Variants in MIA2 observed in about 807,000 individuals in gnomAD.
MIA2 encodes melanoma inhibitory activity protein 2.
A neutral mutation model predicts 167.8 loss-of-function variants in MIA2; 127 were observed. That is an observed-to-expected ratio of 0.76 (90% CI 0.66 to 0.88). The LOEUF is 0.88. Ranked by LOEUF, MIA2 falls within the 40% of genes least tolerant of loss-of-function variation. The pLI is 0.00. For missense variants in MIA2, 1,690 were observed against 1,624.7 expected, an observed-to-expected ratio of 1.04 and a Z score of -0.69; for synonymous variants, 552 against 541.9, an observed-to-expected ratio of 1.02 and a Z score of -0.26.
intron 3 of MIA2, among the ~76,000 whole-genome samples, chr14:39,246,047 T>G (rs549575197): frequency 8.6e-5 from 13 of 151,672 alleles, no homozygotes; most frequent in African/African-American, 2.9e-4. Context: ...ATTGATTGCC[T>G]CTGCTTCTCA....
chr14:39,355,955 G>C (rs1183168733), downstream of MIA2, among the ~76,000 whole-genome samples: 3 of 152,172 alleles, frequency 2.0e-5, no homozygotes, highest in African/African-American at 4.8e-5. Context: ...CGGTTTGCCA[G>C]TATTTTTTAT....
chr14:39,271,166 C>A (rs1246509920), intron 6 of MIA2, among the ~76,000 whole-genome samples: 2 of 152,112 alleles, frequency 1.3e-5, no homozygotes, highest in African/African-American at 2.4e-5. Flanking sequence ...TAGATTCATT[C>A]CTTGGCATGT....
chr14:39,288,466 TATA>T (rs1261239609), intron 9 of MIA2, among the ~76,000 whole-genome samples: 7 of 37,750 alleles, frequency 1.9e-4, no homozygotes, highest in South Asian at 9.7e-4. Flanking sequence ...TATATATATA[TATA>T]TATATATTTT....
intron 17 of MIA2, among the ~76,000 whole-genome samples, chr14:39,307,689 C>T (rs1001673673): frequency 2.0e-5 from 3 of 152,058 alleles, no homozygotes; most frequent in African/African-American, 7.2e-5. Flanking sequence ...GCGTGAGCCA[C>T]CGTGCCCGGC....
intron 6 of MIA2, among the ~76,000 whole-genome samples, chr14:39,256,735 C>G (rs1205096955): frequency 6.6e-6 from 1 of 151,284 alleles, no homozygotes; most frequent in African/African-American, 2.4e-5. Flanking sequence ...TAGAAACTAT[C>G]TAAAAAAGAA....
At chr14:39,267,409 G>GC in intron 6 of MIA2, 1 of 1,608,618 alleles carries the variant, frequency 6.2e-7, no homozygotes, top group Non-Finnish European at 8.5e-7. Flanking sequence ...GTTTATTGTG[G>GC]CCCCGACAGG....
intron 28 of MIA2, among the ~76,000 whole-genome samples, chr14:39,349,337 A>G (rs1368476714): frequency 6.6e-6 from 1 of 152,234 alleles, no homozygotes; most frequent in Non-Finnish European, 1.5e-5. Flanking sequence ...TAGCATTAAA[A>G]TTACTGGCTA....
At chr14:39,234,485 T>C (rs575374945) in intron 1 of MIA2, among the ~76,000 whole-genome samples, 33 of 152,278 alleles carry the variant, frequency 2.2e-4, no homozygotes, top group Admixed American at 8.5e-4. Context: ...TCAGTCCTTT[T>C]ACTATTTTTA....
At chr14:39,332,790 C>A (rs1387363640) in intron 25 of MIA2, among the ~76,000 whole-genome samples, 3 of 152,046 alleles carry the variant, frequency 2.0e-5, no homozygotes, top group African/African-American at 7.3e-5. Context: ...CCAGGTACCT[C>A]AGTTGGAAAT....
intron 6 of MIA2, chr14:39,265,261 G>T (rs771290406): frequency 1.4e-6 from 1 of 739,808 alleles, no homozygotes; most frequent in Non-Finnish European, 2.2e-6. Context: ...CCACACAAAT[G>T]TCAAAACGGG....
At chr14:39,344,578 C>T (rs890745449) in intron 25 of MIA2, among the ~76,000 whole-genome samples, 4 of 152,120 alleles carry the variant, frequency 2.6e-5, no homozygotes, top group African/African-American at 7.2e-5. Flanking sequence ...CAGGTGGTCT[C>T]TCTGGTTTTG....
chr14:39,360,866 C>T (rs898297360), intron 23 of MIA2, among the ~76,000 whole-genome samples: 14 of 152,048 alleles, frequency 9.2e-5, no homozygotes, highest in African/African-American at 1.7e-4. Flanking sequence ...TTCATTCTTC[C>T]GCATATGGAT....
At chr14:39,387,074 C>G in exon 24 of MIA2, 3 of 650,572 alleles carry the variant, frequency 4.6e-6, no homozygotes, top group South Asian at 4.3e-5. Context: ...AAATTGAAGC[C>G]TTGGCCTAAC....
chr14:39,245,708 A>G (rs947813007), intron 3 of MIA2, among the ~76,000 whole-genome samples: 8 of 151,992 alleles, frequency 5.3e-5, no homozygotes, highest in African/African-American at 1.9e-4. Flanking sequence ...AGCGAGAGAG[A>G]GAGAGCAAGA....
At chr14:39,242,755 T>C (rs1419559912) in intron 3 of MIA2, among the ~76,000 whole-genome samples, 1 of 152,154 alleles carries the variant, frequency 6.6e-6, no homozygotes, top group Non-Finnish European at 1.5e-5. Flanking sequence ...AAACAGATAT[T>C]GAGATGAATC....
intron 23 of MIA2, among the ~76,000 whole-genome samples, chr14:39,360,377 G>C (rs1343218706): frequency 6.6e-6 from 1 of 152,054 alleles, no homozygotes. Context: ...AGTGAGGTTG[G>C]ACATTGTTTC....
intron 9 of MIA2, among the ~76,000 whole-genome samples, chr14:39,289,659 T>C (rs1472272791): frequency 6.6e-6 from 1 of 152,202 alleles, no homozygotes; most frequent in Non-Finnish European, 1.5e-5. Context: ...AAAAAATATT[T>C]TGTTGTAGAG....
chr14:39,295,236 G>A (rs2061264828), intron 13 of MIA2, among the ~76,000 whole-genome samples: 1 of 152,148 alleles, frequency 6.6e-6, no homozygotes, highest in South Asian at 2.1e-4. Context: ...CCCCAGGGCA[G>A]GGAAAGTAAG....
chr14:39,386,997 CG>C (rs768315239), exon 24 of MIA2: 1 of 754,650 alleles, frequency 1.3e-6, no homozygotes, highest in South Asian at 1.5e-5. Flanking sequence ...TGTGACGACT[CG>C]TATCTGTTCA....
Sources: gnomAD v4.1 joint callset for allele counts (sites outside exome capture counted in the v4.1 genomes callset) on GRCh38, gnomAD v4.1.1 for gene constraint, MANE v1.5 for transcripts, NCBI Gene and HGNC (gene_info 2026-07-23, HGNC 2026-07-21) for gene names.